GABBR2: variants seen among roughly 807,000 people sequenced by gnomAD.
The protein encoded by GABBR2 is G-protein coupled receptor 51.
GABBR2 carries 23 observed loss-of-function variants against 105.6 expected under a neutral mutation model. That is an observed-to-expected ratio of 0.22 (90% CI 0.16 to 0.31). GABBR2 has a LOEUF of 0.31. Among genes scored for constraint, GABBR2 ranks in the 10% least tolerant of loss-of-function variants. GABBR2 has a pLI of 1.00. For missense variants in GABBR2, 734 were observed against 1,245.5 expected (o/e 0.59, Z 6.18); for synonymous variants, 478 against 499.7 (o/e 0.96, Z 0.58).
chr9:98,343,774 C>T (rs1013880833), intron 13 of GABBR2, among the ~76,000 whole-genome samples: 8 of 152,034 alleles, frequency 5.3e-5, no homozygotes, highest in Admixed American at 1.3e-4. Context: ...AGGAGAATGT[C>T]GTGAACCCGG....
chr9:98,599,257 C>G (rs1258489494), intron 1 of GABBR2, among the ~76,000 whole-genome samples: 1 of 152,156 alleles, frequency 6.6e-6, no homozygotes, highest in East Asian at 1.9e-4. Context: ...CACCATTTAA[C>G]CAGAAGGGTT....
rs1035545393 is a variant in GABBR2 at position 98,299,194 on chromosome 9, T to C, written c.2542+30A>G. 2.5e-6 allele frequency: 4 copies of C among 1,604,826 alleles called. No individual in the cohort carries two copies. In the African/African-American group the frequency reaches 4.0e-5, roughly 16 times the overall value. On this transcript the variant is annotated intron_variant, in intron 17 of 18. Transcript: ENST00000259455. Reference sequence around the variant, plus strand: ...AGCTGGTGTTTGAAACCAAGGTCCCTACCACATTCTGGGGCCCTGGCTCTC... The same window carrying C: ...AGCTGGTGTTTGAAACCAAGGTCCCCACCACATTCTGGGGCCCTGGCTCTC...
chr9:98,561,294 GA>G (rs35127616), intron 2 of GABBR2, among the ~76,000 whole-genome samples: 103,225 of 148,934 alleles, frequency 0.69, 36,219 homozygotes, highest in African/African-American at 0.83. Flanking sequence ...TCATTCCACT[GA>G]AAAAAAAAAA....
Position 98,335,491 on chromosome 9 carries a change from G to A in GABBR2, c.1894-24286C>T, listed in dbSNP as rs527988888. ...GGACCAGAGAATCTCAACTCCGGCT[G>A]CACACCAGAACCCATGGCAACTTTA... is the stretch of plus-strand genomic sequence containing the variant. On this transcript the variant is annotated intron_variant, in intron 13 of 18. Coordinates refer to ENST00000259455, the MANE Select transcript of GABBR2 (RefSeq NM_005458.8). Among the ~76,000 whole-genome samples the A allele has an allele frequency of 1.2e-3, 189 of 152,260 alleles. 10 individuals are homozygous for A. The South Asian group carries it at 0.039, about 31-fold the overall frequency.
At chr9:98,698,816 T>G (rs1421837826) in intron 1 of GABBR2, among the ~76,000 whole-genome samples, 2 of 152,088 alleles carry the variant, frequency 1.3e-5, no homozygotes, top group Non-Finnish European at 2.9e-5. Context: ...CAATCTTGGT[T>G]ATCTAGTTTG....
chr9:98,693,031 C>T (rs1486177396), intron 1 of GABBR2, among the ~76,000 whole-genome samples: 2 of 152,284 alleles, frequency 1.3e-5, no homozygotes, highest in East Asian at 3.9e-4. Flanking sequence ...AGTTCTCCCT[C>T]GACCCCCGGC....
intron 1 of GABBR2, among the ~76,000 whole-genome samples, chr9:98,626,120 T>C (rs1414239688): frequency 6.6e-6 from 1 of 152,172 alleles, no homozygotes; most frequent in Admixed American, 6.5e-5. Flanking sequence ...GAAAACATCA[T>C]GCTGAGTGAA....
intron 3 of GABBR2, among the ~76,000 whole-genome samples, chr9:98,497,085 G>T (rs1474631213): frequency 6.6e-6 from 1 of 152,224 alleles, no homozygotes; most frequent in Non-Finnish European, 1.5e-5. Flanking sequence ...GCCAGTGTGT[G>T]AACTAGCCTG....
intron 9 of GABBR2, among the ~76,000 whole-genome samples, chr9:98,390,411 G>A (rs116701970): frequency 0.015 from 2,021 of 137,286 alleles, 53 homozygotes; most frequent in African/African-American, 0.063. Context: ...AATAGAGAGC[G>A]AGAAACATTC....
chr9:98,413,172 A>G (rs947304601), intron 7 of GABBR2, among the ~76,000 whole-genome samples: 4 of 152,198 alleles, frequency 2.6e-5, no homozygotes, highest in African/African-American at 9.7e-5. Context: ...GGGCCAGCAG[A>G]TCAATGTCTG....
intron 13 of GABBR2, among the ~76,000 whole-genome samples, chr9:98,323,749 A>C (rs1830867385): frequency 6.6e-6 from 1 of 152,026 alleles, no homozygotes; most frequent in African/African-American, 2.4e-5. Flanking sequence ...GTCTCTCATC[A>C]CCTTCTCACA....
Position 98,385,743 on chromosome 9 carries a change from T to G in GABBR2, c.1559A>C (p.Asn520Thr), listed in dbSNP as rs1564043440. Residue 520 changes from asparagine (N) to threonine (T), a missense_variant, in exon 11 of 19, where the codon AAC becomes ACC. Physicochemically the swap from Asn to Thr is moderately conservative, Grantham distance 65. This residue lies in a region of GABBR2 where 370 missense variants were observed against 648.9 expected (regional missense o/e 0.57). Coordinates refer to ENST00000259455, the MANE Select transcript of GABBR2 (RefSeq NM_005458.8). ...KLIKMSSPYM[N>T]NLIILGGMLS... ...CATCCCTCCAAGGATGATAAGGTTG[T>G]TCATGTATGGACTCGACATCTTTAT... 6.2e-7 allele frequency: 1 copy of G among 1,609,996 alleles called. No individual in the cohort carries two copies. Among genetic ancestry groups the G allele is most frequent in the Non-Finnish European group, 8.5e-7 (1 of 1,176,242 alleles).
chr9:98,541,008 T>G (rs1828285490), intron 3 of GABBR2, among the ~76,000 whole-genome samples: 1 of 152,200 alleles, frequency 6.6e-6, no homozygotes, highest in Admixed American at 6.5e-5. Flanking sequence ...GCAAATCCAC[T>G]TCTAGAAGTC....
intron 1 of GABBR2, among the ~76,000 whole-genome samples, chr9:98,663,795 A>G (rs1830299256): frequency 6.6e-6 from 1 of 152,158 alleles, no homozygotes; most frequent in South Asian, 2.1e-4. Context: ...CAACAAATAT[A>G]TATAATAATG....
At chr9:98,572,163 T>C (rs1828842244) in intron 2 of GABBR2, among the ~76,000 whole-genome samples, 1 of 152,218 alleles carries the variant, frequency 6.6e-6, no homozygotes, top group African/African-American at 2.4e-5. Context: ...CTGGACTCTA[T>C]GAAGGTCCTT....
chr9:98,651,524 T>A (rs1235402298), intron 1 of GABBR2, among the ~76,000 whole-genome samples: 3 of 152,080 alleles, frequency 2.0e-5, no homozygotes, highest in Non-Finnish European at 4.4e-5. Context: ...AACCTCAAAC[T>A]CTCGAACTCA....
chr9:98,461,000 T>G (rs1369692410), intron 6 of GABBR2, among the ~76,000 whole-genome samples: 3 of 152,190 alleles, frequency 2.0e-5, no homozygotes, highest in African/African-American at 7.2e-5. Context: ...ACATCTTCAG[T>G]GCCAAAAGAA....
At chr9:98,466,439 ATAAT>A (rs1826558281) in intron 6 of GABBR2, among the ~76,000 whole-genome samples, 1 of 152,252 alleles carries the variant, frequency 6.6e-6, no homozygotes, top group Non-Finnish European at 1.5e-5. Flanking sequence ...TTCAATAAAA[ATAAT>A]TAATGAAACC....
At chr9:98,402,931 C>G (rs1229288187) in intron 8 of GABBR2, among the ~76,000 whole-genome samples, 1 of 152,116 alleles carries the variant, frequency 6.6e-6, no homozygotes, top group East Asian at 1.9e-4. Context: ...CCCCTGCATT[C>G]TGGTGGCTCA....
Sources: gnomAD v4.1 joint callset for allele counts (sites outside exome capture counted in the v4.1 genomes callset) on GRCh38, gnomAD v4.1.1 for gene constraint, gnomAD v4.1.1 regional missense constraint, MANE v1.5 for transcripts, NCBI Gene and HGNC (gene_info 2026-07-23, HGNC 2026-07-21) for gene names.